Variants in PLCE1 observed in about 807,000 individuals in gnomAD.
PLCE1 encodes the protein phospholipase C epsilon 1, also known as 1-phosphatidylinositol 4,5-bisphosphate phosphodiesterase epsilon-1.
In PLCE1, 119 loss-of-function variants were observed where a neutral mutation model predicts 242.8. The observed-to-expected ratio is 0.49, with a 90% confidence interval of 0.42 to 0.57. The LOEUF is 0.57. PLCE1 is among the 20% of genes least tolerant of loss of function. The pLI, the probability that PLCE1 is intolerant of heterozygous loss-of-function variation, is 0.00. For synonymous variants in PLCE1, 945 were observed against 1,017.4 expected, an observed-to-expected ratio of 0.93 and a Z score of 1.35; for missense variants, 2,441 against 2,788.8, an observed-to-expected ratio of 0.88 and a Z score of 2.81.
Position 94,298,436 on chromosome 10 carries a change from C to T in PLCE1, c.5225C>T (p.Thr1742Ile), listed in dbSNP as rs1179835431. ...WEESSSPLNP[T>I]TSLSAIIRTP... ...GAATCTTCTTCCCCTCTCAACCCAACCACGTCCCTCAGTGCTATCATTAGA... is the reference window on the plus strand; with the variant it reads ...GAATCTTCTTCCCCTCTCAACCCAATCACGTCCCTCAGTGCTATCATTAGA... Residue 1742 changes from threonine to isoleucine, a missense_variant, in exon 24 of 33, where the codon ACC (threonine) becomes ATC (isoleucine). Physicochemically the swap from Thr to Ile is moderately conservative, Grantham distance 89 (BLOSUM62 -1). Transcript: ENST00000371380. The surrounding 1 kb of genome is among the most constrained non-coding windows in gnomAD (Gnocchi z 5.2). 2.5e-6 allele frequency: 4 copies of T among 1,614,108 alleles called. No individual in the cohort carries two copies. Among genetic ancestry groups the T allele is most frequent in the South Asian group, 1.1e-5 (1 of 91,084 alleles).
Position 94,171,248 on chromosome 10 carries a change from G to A in PLCE1, c.1561G>A (p.Glu521Lys). ...TTCAAGTTCAGCTGGGATCAGCAAGGAGCTGATCGATCTGCAGCCTCTCAT... is the reference window on the plus strand; with the variant it reads ...TTCAAGTTCAGCTGGGATCAGCAAGAAGCTGATCGATCTGCAGCCTCTCAT... ...LPSSSAGISK[E>K]LIDLQPLIQF... is the part of the protein sequence containing the mutation. The change falls in exon 4 of 33, where the codon GAG becomes AAG. Residue 521 changes from glutamate (E) to lysine (K), a missense_variant. Coordinates refer to ENST00000371380, the MANE Select transcript of PLCE1 (RefSeq NM_016341.4). The A allele has an allele frequency of 6.2e-7, 1 of 1,613,976 alleles. No individual in the cohort carries two copies. The highest frequency in any genetic ancestry group is 8.5e-7 in the Non-Finnish European group (1 of 1,179,846).
rs532547716 is a variant in PLCE1 at position 94,180,845 on chromosome 10, C to T, written c.1809+9349C>T. Among the ~76,000 whole-genome samples the T allele has an allele frequency of 2.0e-5, 3 of 152,344 alleles. No homozygotes were observed. The South Asian group carries it at 6.2e-4, about 32-fold the overall frequency. ...CTGCCATGTGAGGACACAGTGTCCCCTTCAGAGGATGCAGCTGTCACCAGA... is the reference window on the plus strand; with the variant it reads ...CTGCCATGTGAGGACACAGTGTCCCTTTCAGAGGATGCAGCTGTCACCAGA... On this transcript the variant is annotated intron_variant, in intron 4 of 32. Coordinates refer to ENST00000371380, the MANE Select transcript of PLCE1 (RefSeq NM_016341.4).
At chr10:94,288,186 G>A (rs575668956) in intron 22 of PLCE1, among the ~76,000 whole-genome samples, 5 of 152,242 alleles carry the variant, frequency 3.3e-5, no homozygotes, top group South Asian at 2.1e-4. Flanking sequence ...CACCCAAGTC[G>A]TGTAAGTCAT....
At chr10:94,178,021 G>T (rs1005132415) in intron 4 of PLCE1, among the ~76,000 whole-genome samples, 5 of 152,152 alleles carry the variant, frequency 3.3e-5, no homozygotes, top group African/African-American at 1.2e-4. Context: ...CTTTGCTCTT[G>T]TTGTGTTGTT....
chr10:94,061,387 T>C (rs1762422508), intron 2 of PLCE1, among the ~76,000 whole-genome samples: 1 of 152,184 alleles, frequency 6.6e-6, no homozygotes, highest in South Asian at 2.1e-4. Flanking sequence ...AATCTGTGGA[T>C]GGGGACTGAA....
In PLCE1 at chr10:94,319,665, A is replaced by T. The variant is rs964900294; in HGVS notation, c.6343-2236A>T. ...CTCACTGCCCTAATTTGTAAAATCT[A>T]TATACAAACTACCCTACTTGACTCA... is the stretch of plus-strand genomic sequence containing the variant. On this transcript the variant is annotated intron_variant, in intron 29 of 32. Transcript: ENST00000371380. 2.0e-5 allele frequency among the ~76,000 whole-genome samples: 3 copies of T among 152,160 alleles called. No homozygotes were observed. The East Asian group carries it at 5.8e-4, about 29-fold the overall frequency.
chr10:94,032,456 T>C (rs1050426365), intron 2 of PLCE1, among the ~76,000 whole-genome samples: 1 of 152,090 alleles, frequency 6.6e-6, no homozygotes, highest in Non-Finnish European at 1.5e-5. Context: ...AACATAAAAG[T>C]GTGTCAGAAA....
rs138739509 is a variant in PLCE1 at position 94,149,186 on chromosome 10, G to A, written c.1492+16727G>A. Among the ~76,000 whole-genome samples the A allele has an allele frequency of 5.2e-3, 794 of 152,284 alleles. 4 individuals are homozygous for A. Among genetic ancestry groups the A allele is most frequent in the African/African-American group, 0.017 (702 of 41,554 alleles). ...ACCCCCGTGTGCCAAGGGGTTCCAT[G>A]CTGCTAAACTCCTCAGTCAGTGCAT... On this transcript the variant is annotated intron_variant, in intron 3 of 32. Transcript: ENST00000371380.
chr10:94,258,548 A>C (rs1257768441), intron 11 of PLCE1, among the ~76,000 whole-genome samples: 2 of 152,238 alleles, frequency 1.3e-5, no homozygotes, highest in African/African-American at 4.8e-5. Flanking sequence ...TAATAGAGGA[A>C]TATTAACCTC....
At chr10:94,310,143 T>C (rs746302161) in intron 27 of PLCE1, among the ~76,000 whole-genome samples, 27 of 152,266 alleles carry the variant, frequency 1.8e-4, no homozygotes, top group Admixed American at 6.5e-4. Context: ...TGTTTAATAA[T>C]GTGATTACTT....
At chr10:94,172,942 T>C (rs952234335) in intron 4 of PLCE1, among the ~76,000 whole-genome samples, 1 of 152,192 alleles carries the variant, frequency 6.6e-6, no homozygotes, top group Non-Finnish European at 1.5e-5. Flanking sequence ...GGCCCATGAA[T>C]ACAACGAGTG....
intron 3 of PLCE1, among the ~76,000 whole-genome samples, chr10:94,166,580 GT>G (rs1590167767): frequency 7.6e-3 from 3 of 396 alleles, no homozygotes; most frequent in Admixed American, 0.062. Context: ...GAGAAAAAAG[GT>G]GTGTGTGTGT....
At chr10:94,286,354 G>C (rs191852799) in intron 22 of PLCE1, among the ~76,000 whole-genome samples, 4 of 152,242 alleles carry the variant, frequency 2.6e-5, no homozygotes, top group African/African-American at 9.6e-5. Context: ...AGGCAAACTG[G>C]GTGTAGTGGT....
Position 94,268,929 on chromosome 10 carries a change from G to T in PLCE1, c.4282G>T (p.Val1428Phe). 6.3e-7 allele frequency: 1 copy of T among 1,596,228 alleles called. No individual in the cohort carries two copies. The highest frequency in any genetic ancestry group is 2.2e-5 in the East Asian group (1 of 44,744). ...GESSVELYSQVLLQGCRSVEL... is the reference protein window; with the variant it reads ...GESSVELYSQFLLQGCRSVEL... ...GTGGATTCGCTCATTGATCACACAG[G>T]TCCTTTTGCAAGGCTGTCGAAGTGT... Residue 1428 changes from valine to phenylalanine, a missense_variant and splice_region_variant, in exon 17 of 33, where the codon GTC becomes TTC. This residue lies in a region of PLCE1 where 1,004 missense variants were observed against 1,322.7 expected (regional missense o/e 0.76). Transcript: ENST00000371380.
At chr10:94,133,604 C>CCA (rs1269701910) in intron 3 of PLCE1, among the ~76,000 whole-genome samples, 1 of 152,090 alleles carries the variant, frequency 6.6e-6, no homozygotes, top group Admixed American at 6.5e-5. Flanking sequence ...CCATTCCTAC[C>CCA]CACACACACA....
intron 24 of PLCE1, among the ~76,000 whole-genome samples, 178 bp from the exon 25 acceptor site, chr10:94,304,304 C>T (rs1330647674): frequency 6.6e-6 from 1 of 152,238 alleles, no homozygotes; most frequent in African/African-American, 2.4e-5. Flanking sequence ...ATGCCTCACA[C>T]AACTTGGCAT....
chr10:94,289,244 C>A (rs944005312), intron 22 of PLCE1, among the ~76,000 whole-genome samples: 2 of 152,090 alleles, frequency 1.3e-5, no homozygotes, highest in Non-Finnish European at 2.9e-5. Flanking sequence ...TGAGGCCCTG[C>A]AGAGCATGGC....
Position 94,246,213 on chromosome 10 carries a change from C to T in PLCE1, c.2688C>T (p.Pro896=). The part of the protein sequence containing the change: ...PDNSTLTWVK[P]TTASPASSKA... ...ATAGCACCTTGACCTGGGTAAAGCC[C>T]ACAACTGCCTCCCCAGCCAGCAGTA... Residue 896 remains proline (P), a synonymous_variant, in exon 8 of 33, where the codon CCC becomes CCT. Coordinates refer to ENST00000371380, the MANE Select transcript of PLCE1 (RefSeq NM_016341.4). 2 of 1,614,118 alleles carry T rather than the reference C, an allele frequency of 1.2e-6. No individual in the cohort carries two copies. The highest frequency in any genetic ancestry group is 4.5e-5 in the East Asian group (2 of 44,854).
intron 4 of PLCE1, among the ~76,000 whole-genome samples, chr10:94,200,877 C>T (rs2048967638): frequency 6.6e-6 from 1 of 152,132 alleles, no homozygotes; most frequent in South Asian, 2.1e-4. Context: ...AAAATAGTCA[C>T]CAAATCCCAA....
Sources: gnomAD v4.1 joint callset for allele counts (sites outside exome capture counted in the v4.1 genomes callset) on GRCh38, gnomAD v4.1.1 for gene constraint, gnomAD v4.1.1 regional missense constraint, Gnocchi (gnomAD v3.1) non-coding constraint, MANE v1.5 for transcripts, NCBI Gene and HGNC (gene_info 2026-07-23, HGNC 2026-07-21) for gene names.